BAZ2B: variants seen among roughly 807,000 people sequenced by gnomAD.
BAZ2B encodes the protein bromodomain adjacent to zinc finger domain protein 2B.
In BAZ2B, 91 loss-of-function variants were observed where a neutral mutation model predicts 246.0. That is an observed-to-expected ratio of 0.37 (90% CI 0.31 to 0.44). The LOEUF (loss-of-function observed/expected upper bound fraction) is 0.44. Among genes scored for constraint, BAZ2B ranks in the 20% least tolerant of loss-of-function variants. BAZ2B has a pLI of 1.00. For synonymous variants in BAZ2B, 855 were observed against 860.0 expected, an observed-to-expected ratio of 0.99 and a Z score of 0.10; for missense variants, 2,332 against 2,533.7, an observed-to-expected ratio of 0.92 and a Z score of 1.71.
chr2:159,510,574 C>A, intron 2 of BAZ2B, among the ~76,000 whole-genome samples: 1 of 152,028 alleles, frequency 6.6e-6, no homozygotes, highest in East Asian at 1.9e-4. Flanking sequence ...GTAATTAAGA[C>A]CACTGGATTG....
At chr2:159,635,922 T>G in the BAZ2B span, among the ~76,000 whole-genome samples, 3 of 152,022 alleles carry the variant, frequency 2.0e-5, no homozygotes, top group Non-Finnish European at 2.9e-5. Flanking sequence ...CCAGGTGTGG[T>G]AGCACATGCC....
the BAZ2B span, among the ~76,000 whole-genome samples, chr2:159,674,180 C>T: frequency 1.3e-5 from 2 of 151,496 alleles, no homozygotes; most frequent in Non-Finnish European, 1.5e-5. Flanking sequence ...CTTGTCTCTA[C>T]AAAAACTACC....
At chr2:159,563,515 C>T (rs2090079041) in intron 1 of BAZ2B, among the ~76,000 whole-genome samples, 1 of 151,974 alleles carries the variant, frequency 6.6e-6, no homozygotes, top group African/African-American at 2.4e-5. Flanking sequence ...TATTTAACAG[C>T]AACAACATGG....
At chr2:159,490,742 C>CTAGT (rs1203736566) in intron 2 of BAZ2B, among the ~76,000 whole-genome samples, 10 of 151,874 alleles carry the variant, frequency 6.6e-5, no homozygotes, top group Admixed American at 6.6e-4. Context: ...GTTGCTCAGG[C>CTAGT]TAGTAACTTG....
At chr2:159,451,727 ATACTT>A (rs1353974072) in intron 4 of BAZ2B, among the ~76,000 whole-genome samples, 4 of 152,180 alleles carry the variant, frequency 2.6e-5, no homozygotes, top group Non-Finnish European at 5.9e-5. Context: ...GAATAAGTGA[ATACTT>A]TATTTTGGCT....
At chr2:159,570,556 A>C (rs1683747335) in intron 1 of BAZ2B, among the ~76,000 whole-genome samples, 1 of 152,234 alleles carries the variant, frequency 6.6e-6, no homozygotes, top group Admixed American at 6.5e-5. Context: ...ATACTCAATT[A>C]GAAAATCTTT....
At chr2:159,370,967 G>A (rs559173187) in intron 27 of BAZ2B, among the ~76,000 whole-genome samples, 17 of 151,908 alleles carry the variant, frequency 1.1e-4, no homozygotes, top group African/African-American at 2.4e-4. Flanking sequence ...CACCACACCC[G>A]GCTAATTTTT....
intron 2 of BAZ2B, among the ~76,000 whole-genome samples, chr2:159,534,652 G>A (rs962133247): frequency 3.3e-5 from 5 of 149,694 alleles, no homozygotes; most frequent in Admixed American, 6.6e-5. Context: ...TTTCTGAGAC[G>A]GAGTCTCGCT....
the BAZ2B span, among the ~76,000 whole-genome samples, chr2:159,635,407 T>C: frequency 3.3e-5 from 5 of 152,020 alleles, no homozygotes; most frequent in Admixed American, 6.5e-5. Flanking sequence ...AAAAACTCCA[T>C]AAATCGATTC....
rs1214430411 is a variant in BAZ2B, at chr2:159,382,722, A to G, written c.3842T>C (p.Leu1281Ser). The stretch of plus-strand genomic sequence containing the variant: ...CTTGCGTCCTGGAGTGGGTGTGCCC[A>G]AGGGATGCTGCTCTTCTCCCAGATC... Reference protein sequence around the residue: ...GIDLGEEQHPLGTPTPGRKRR... With the variant: ...GIDLGEEQHPSGTPTPGRKRR... Residue 1281 changes from leucine (L) to serine (S), a missense_variant, in exon 25 of 37, where the codon TTG becomes TCG. This residue lies in a region of BAZ2B where 328 missense variants were observed against 410.4 expected (regional missense o/e 0.80). Coordinates refer to ENST00000392783, the MANE Select transcript of BAZ2B (RefSeq NM_013450.4). 2 of 1,613,522 alleles carry G rather than the reference A, an allele frequency of 1.2e-6. No individual in the cohort carries two copies. The highest frequency in any genetic ancestry group is 1.7e-6 in the Non-Finnish European group (2 of 1,179,866).
intron 1 of BAZ2B, among the ~76,000 whole-genome samples, chr2:159,588,644 T>C (rs1688608744): frequency 1.3e-5 from 2 of 152,184 alleles, no homozygotes; most frequent in African/African-American, 4.8e-5. Context: ...GCAGACTCAA[T>C]GTCAATAGCT....
intron 1 of BAZ2B, among the ~76,000 whole-genome samples, chr2:159,570,119 G>T (rs529119175): frequency 1.3e-5 from 2 of 151,814 alleles, no homozygotes; most frequent in Non-Finnish European, 2.9e-5. Context: ...TTAAAACTTA[G>T]AATGTTCTTA....
chr2:159,559,153 A>G (rs1370242156), intron 1 of BAZ2B, among the ~76,000 whole-genome samples: 2 of 152,066 alleles, frequency 1.3e-5, no homozygotes, highest in Non-Finnish European at 1.5e-5. Flanking sequence ...CTGAGGTAGG[A>G]GGATCACCTG....
At position 159,428,436 on chromosome 2, in the gene BAZ2B, T is replaced by C; in HGVS notation, c.2256-17A>G. 1 of 1,579,452 alleles carries C rather than the reference T, an allele frequency of 6.3e-7. No individual in the cohort carries two copies. Among genetic ancestry groups the C allele is most frequent in the Middle Eastern group, 1.7e-4 (1 of 6,010 alleles). On this transcript the variant is annotated splice_polypyrimidine_tract_variant and intron_variant, in intron 11 of 36. Transcript: ENST00000392783. The stretch of plus-strand genomic sequence containing the variant: ...CTCTGCCAGCTACACATAACAGAAA[T>C]GAAGGTTATGACATACTTAATTTCA...
intron 2 of BAZ2B, among the ~76,000 whole-genome samples, chr2:159,516,875 CT>C (rs1248388997): frequency 1.3e-5 from 2 of 152,134 alleles, no homozygotes; most frequent in African/African-American, 4.8e-5. Context: ...AAAACTGGCA[CT>C]GTTTAAAAGC....
chr2:159,669,441 T>C, the BAZ2B span, among the ~76,000 whole-genome samples: 3 of 152,190 alleles, frequency 2.0e-5, no homozygotes, highest in African/African-American at 7.2e-5. Flanking sequence ...TCCAAATGTA[T>C]CCATTAGATC....
At chr2:159,678,065 G>A in the BAZ2B span, among the ~76,000 whole-genome samples, 1 of 152,132 alleles carries the variant, frequency 6.6e-6, no homozygotes, top group African/African-American at 2.4e-5. Context: ...CAGTTAGAAT[G>A]GAATGGAATG....
At chr2:159,517,764 A>G (rs775313121) in intron 2 of BAZ2B, among the ~76,000 whole-genome samples, 3 of 152,198 alleles carry the variant, frequency 2.0e-5, no homozygotes, top group Non-Finnish European at 4.4e-5. Context: ...GAATCTCAGA[A>G]CAGGTCTCAT....
intron 1 of BAZ2B, among the ~76,000 whole-genome samples, chr2:159,588,016 GAC>G (rs1204705943): frequency 4.6e-5 from 7 of 152,032 alleles, no homozygotes; most frequent in Admixed American, 4.6e-4. Context: ...ACATAGTTGA[GAC>G]CCGGTCTCTA....
Sources: allele counts gnomAD v4.1 joint callset (sites outside exome capture counted in the v4.1 genomes callset), GRCh38; gene constraint gnomAD v4.1.1; regional missense constraint gnomAD v4.1.1; transcripts MANE v1.5; gene names NCBI Gene and HGNC (gene_info 2026-07-23, HGNC 2026-07-21).